Variants in UBAP2 observed in about 807,000 individuals in gnomAD.
UBAP2 encodes ubiquitin-associated protein 2.
In UBAP2, 75 loss-of-function variants were observed where a neutral mutation model predicts 139.6. The ratio of observed to expected loss-of-function variants is 0.54; its 90% CI spans 0.45 to 0.65. UBAP2 has a LOEUF of 0.65. UBAP2 is among the 30% of genes least tolerant of loss of function. UBAP2 has a pLI of 0.00. For synonymous variants in UBAP2, 526 were observed against 526.2 expected, an observed-to-expected ratio of 1.00 and a Z score of 0.01; for missense variants, 1,368 against 1,369.6, an observed-to-expected ratio of 1.00 and a Z score of 0.02.
chr9:34,037,455 T>C (rs1826537150), intron 1 of UBAP2, among the ~76,000 whole-genome samples: 1 of 152,232 alleles, frequency 6.6e-6, no homozygotes, highest in Non-Finnish European at 1.5e-5. Flanking sequence ...CTTAAGTTTT[T>C]ACTAATGTAA....
chr9:33,944,460 G>A lies in UBAP2; in HGVS notation c.1450C>T (p.Pro484Ser). 2.5e-6 allele frequency: 4 copies of A among 1,614,154 alleles called. No individual in the cohort carries two copies. Among genetic ancestry groups the A allele is most frequent in the Non-Finnish European group, 3.4e-6 (4 of 1,180,044 alleles). The change falls in exon 14 of 29, where the codon CCC (proline) becomes TCC (serine). Residue 484 changes from proline to serine, a missense_variant. Pro to Ser is a moderately conservative substitution (Grantham distance 74). Coordinates refer to ENST00000379238, the MANE Select transcript of UBAP2 (RefSeq NM_001370062.2). ...GAGATATTTTCAATGGTCGTGCTGG[G>A]AAGCTGCAAAAGCTTGTTCACAGTG... ...PSTVNKLLQLPSTTIENISVS... is the reference protein window; with the variant it reads ...PSTVNKLLQLSSTTIENISVS...
chr9:33,930,895 C>CAA (rs57202118), intron 19 of UBAP2, among the ~76,000 whole-genome samples: 1,437 of 72,530 alleles, frequency 0.02, 34 homozygotes, highest in African/African-American at 0.063. Context: ...GACTGCATCT[C>CAA]AAAAAAAAAA....
chr9:34,040,053 G>C (rs1826919187), intron 1 of UBAP2, among the ~76,000 whole-genome samples: 1 of 151,834 alleles, frequency 6.6e-6, no homozygotes, highest in African/African-American at 2.4e-5. Context: ...CAGCTACTTG[G>C]GAGGCTGAGG....
intron 21 of UBAP2, 119 bp downstream of exon 21, chr9:33,926,870 C>A: frequency 9.3e-7 from 1 of 1,081,020 alleles, no homozygotes; most frequent in Non-Finnish European, 1.4e-6. Context: ...GACGGGGGTG[C>A]TCAGGGATGG....
In UBAP2 at chr9:34,032,340, A is replaced by T. The variant is rs187303092; in HGVS notation, c.-41-15151T>A. Among the ~76,000 whole-genome samples the T allele has an allele frequency of 1.6e-4, 24 of 152,226 alleles. No homozygotes were observed. The East Asian group carries it at 4.3e-3, about 27-fold the overall frequency. ...GCACAATAACCTTGGTCTGTGATAA[A>T]GACTCAGGCATATTTCTGTCTTTAT... On this transcript the variant is annotated intron_variant, in intron 1 of 28. Coordinates refer to ENST00000379238, the MANE Select transcript of UBAP2 (RefSeq NM_001370062.2).
chr9:33,923,248 T>C lies in UBAP2; in HGVS notation c.2942A>G (p.Lys981Arg). The change falls in exon 26 of 29, where the codon AAA (lysine) becomes AGA (arginine). Residue 981 changes from lysine (K) to arginine (R), a missense_variant. Lys to Arg is a conservative substitution (Grantham distance 26). Coordinates refer to ENST00000379238, the MANE Select transcript of UBAP2 (RefSeq NM_001370062.2). Reference protein sequence around the residue: ...TQGTAAGDYSKGGYAGSSQAP... With the variant: ...TQGTAAGDYSRGGYAGSSQAP... ...CTGCGATGATCCAGCATAGCCACCT[T>C]TGGAGTAGTCTCCTGCTGCTGTCCC... 5 of 1,614,208 alleles carry C rather than the reference T, an allele frequency of 3.1e-6. No homozygotes were observed. Among genetic ancestry groups the C allele is most frequent in the Middle Eastern group, 1.6e-4 (1 of 6,062 alleles).
chr9:34,004,799 G>C (rs780358226), intron 2 of UBAP2, among the ~76,000 whole-genome samples: 16 of 147,030 alleles, frequency 1.1e-4, no homozygotes, highest in Non-Finnish European at 2.1e-4. Context: ...AAAAAAATAG[G>C]GAAAAAAAAA....
intron 1 of UBAP2, among the ~76,000 whole-genome samples, chr9:34,040,661 C>T (rs957405879): frequency 1.3e-5 from 2 of 152,184 alleles, no homozygotes; most frequent in African/African-American, 4.8e-5. Context: ...ATATCTAGAA[C>T]ATCCCACTAC....
chr9:34,014,739 G>A (rs1420187913), intron 2 of UBAP2, among the ~76,000 whole-genome samples: 1 of 143,832 alleles, frequency 7.0e-6, no homozygotes, highest in African/African-American at 2.6e-5. Context: ...AGGTTGGAGT[G>A]AGCCGAGACT....
chr9:34,045,896 A>G (rs540566168), intron 1 of UBAP2, among the ~76,000 whole-genome samples: 1 of 152,300 alleles, frequency 6.6e-6, no homozygotes, highest in East Asian at 1.9e-4. Flanking sequence ...TATTCCCTAC[A>G]TGTCCTCCCT....
At chr9:33,963,978 T>G (rs1354890386) in intron 8 of UBAP2, among the ~76,000 whole-genome samples, 187 bp from the exon 9 acceptor site, 5 of 152,214 alleles carry the variant, frequency 3.3e-5, no homozygotes, top group Non-Finnish European at 7.3e-5. Context: ...CCTTGATGGC[T>G]CTTGGACACT....
intron 13 of UBAP2, among the ~76,000 whole-genome samples, chr9:33,948,103 A>G (rs1159107289): frequency 1.3e-5 from 2 of 152,080 alleles, no homozygotes; most frequent in Non-Finnish European, 2.9e-5. Context: ...TTAGATGTTC[A>G]TATTTGCATG....
chr9:33,994,032 T>C (rs184207515), intron 4 of UBAP2, among the ~76,000 whole-genome samples: 47 of 151,886 alleles, frequency 3.1e-4, no homozygotes, highest in African/African-American at 9.9e-4. Flanking sequence ...GTAGCTGGGA[T>C]TGCAGGCGCC....
chr9:34,049,010 G>C (rs1432520152), upstream of UBAP2: 1 of 152,296 alleles, frequency 6.6e-6, no homozygotes, highest in African/African-American at 2.4e-5. Context: ...CCTAGGCGGC[G>C]CGCGGCCTCT....
At chr9:33,925,696 GCTACTCTT>G (rs1438893059) in intron 22 of UBAP2, among the ~76,000 whole-genome samples, 1 of 152,194 alleles carries the variant, frequency 6.6e-6, no homozygotes, top group African/African-American at 2.4e-5. Flanking sequence ...AGTGGAAAGG[GCTACTCTT>G]CTGAAACAAG....
intron 2 of UBAP2, among the ~76,000 whole-genome samples, chr9:34,005,255 T>A (rs1181851036): frequency 2.6e-4 from 37 of 140,366 alleles, no homozygotes; most frequent in Admixed American, 2.5e-3. Flanking sequence ...AGAGTGAAAC[T>A]GTGTCTCAAG....
intron 19 of UBAP2, among the ~76,000 whole-genome samples, chr9:33,932,134 G>A (rs768879888): frequency 2.0e-5 from 3 of 152,066 alleles, no homozygotes; most frequent in African/African-American, 7.2e-5. Flanking sequence ...CTGGCGCGCC[G>A]ACTCCAGCCC....
intron 20 of UBAP2, 36 bp from the exon 21 acceptor site, chr9:33,927,116 T>C (rs1245737369): frequency 6.5e-7 from 1 of 1,532,880 alleles, no homozygotes; most frequent in Non-Finnish European, 8.9e-7. Context: ...AGTGAAATGG[T>C]CACCACAAAG....
At chr9:34,038,900 G>A (rs1320217371) in intron 1 of UBAP2, among the ~76,000 whole-genome samples, 76 of 145,422 alleles carry the variant, frequency 5.2e-4, no homozygotes, top group African/African-American at 1.9e-3. Flanking sequence ...CCGCCACCCC[G>A]TCTGGGATGT....
Sources: allele counts gnomAD v4.1 joint callset (sites outside exome capture counted in the v4.1 genomes callset), GRCh38; gene constraint gnomAD v4.1.1; transcripts MANE v1.5; gene names NCBI Gene and HGNC (gene_info 2026-07-23, HGNC 2026-07-21).